XPR1: variants seen among roughly 807,000 people sequenced by gnomAD.
XPR1 encodes solute carrier family 53 member 1.
Under a neutral mutation model 87.5 loss-of-function variants are expected in XPR1, and 28 were observed. That is an observed-to-expected ratio of 0.32 (90% CI 0.24 to 0.44). The LOEUF is 0.44. XPR1 is among the 20% of genes least tolerant of loss of function. XPR1 has a pLI of 1.00. For missense variants in XPR1, 559 were observed against 862.3 expected, an observed-to-expected ratio of 0.65 and a Z score of 4.41; for synonymous variants, 300 against 306.1, an observed-to-expected ratio of 0.98 and a Z score of 0.21.
chr1:180,632,901 T>A (rs1654638479), intron 1 of XPR1, among the ~76,000 whole-genome samples: 1 of 152,276 alleles, frequency 6.6e-6, no homozygotes, highest in South Asian at 2.1e-4. Context: ...AATCAACTAT[T>A]CTGCTTTGAT....
At chr1:180,775,995 T>C (rs1330476793) in intron 2 of XPR1, among the ~76,000 whole-genome samples, 1 of 152,180 alleles carries the variant, frequency 6.6e-6, no homozygotes, top group African/African-American at 2.4e-5. Flanking sequence ...GCTTGTCTCT[T>C]ACGCAATCTA....
At chr1:180,819,328 T>A (rs567172331) in intron 7 of XPR1, among the ~76,000 whole-genome samples, 1 of 152,240 alleles carries the variant, frequency 6.6e-6, no homozygotes, top group Non-Finnish European at 1.5e-5. Flanking sequence ...AATATATCTT[T>A]AGCATTTATT....
At chr1:180,689,479 T>G (rs1656909417) in intron 2 of XPR1, among the ~76,000 whole-genome samples, 1 of 152,198 alleles carries the variant, frequency 6.6e-6, no homozygotes, top group Admixed American at 6.5e-5. Flanking sequence ...CTAATTTTTT[T>G]ATTACTCCAT....
intron 7 of XPR1, among the ~76,000 whole-genome samples, chr1:180,813,045 C>CCG (rs1553250904): frequency 6.9e-6 from 1 of 145,044 alleles, no homozygotes. Flanking sequence ...TTTTTTCCCC[C>CCG]CCCCCAATGG....
intron 2 of XPR1, among the ~76,000 whole-genome samples, chr1:180,767,448 TA>T (rs1485469932): frequency 6.6e-6 from 1 of 152,188 alleles, no homozygotes; most frequent in Non-Finnish European, 1.5e-5. Context: ...TAGGAATTTT[TA>T]AAATACATAA....
chr1:180,856,081 T>C (rs1485380603), intron 11 of XPR1, among the ~76,000 whole-genome samples: 1 of 152,206 alleles, frequency 6.6e-6, no homozygotes, highest in Non-Finnish European at 1.5e-5. Flanking sequence ...CCATCTGGTC[T>C]AGTCTTTTTT....
intron 7 of XPR1, among the ~76,000 whole-genome samples, chr1:180,820,228 C>T (rs12067061): frequency 0.043 from 6,535 of 152,092 alleles, 502 homozygotes; most frequent in African/African-American, 0.15. Context: ...ACAACCACCA[C>T]GTCTATCTAG....
At position 180,886,201 on chromosome 1, in the gene XPR1, CTATT is replaced by C. The variant is rs1214772497; in HGVS notation, c.*2136_*2139del. ...TATACTTGAGATTTTTTTCCCCTAA[CTATT>C]CTGTTTTTTGTACTTTAAAACTATG... On this transcript the variant is annotated 3_prime_UTR_variant, in exon 15 of 15. Coordinates refer to ENST00000367590, the MANE Select transcript of XPR1 (RefSeq NM_004736.4). The C allele has an allele frequency of 2.6e-5, 4 of 152,216 alleles. No homozygotes were observed. In the South Asian group the frequency reaches 6.2e-4, roughly 24 times the overall value. The allele number at this position is 152,216 out of a possible 1,614,324, so 9.4% of individuals were successfully genotyped here.
At chr1:180,833,484 T>G (rs761679580) in intron 9 of XPR1, among the ~76,000 whole-genome samples, 7 of 150,328 alleles carry the variant, frequency 4.7e-5, no homozygotes, top group Non-Finnish European at 7.4e-5. Context: ...TGGAAGAAGA[T>G]TTACCAAGCA....
intron 2 of XPR1, among the ~76,000 whole-genome samples, chr1:180,727,860 T>G (rs1658408433): frequency 6.6e-6 from 1 of 152,194 alleles, no homozygotes; most frequent in Non-Finnish European, 1.5e-5. Flanking sequence ...TTGTAAACTG[T>G]CATGGTGCTG....
chr1:180,842,108 G>GGT (rs1431342426), intron 11 of XPR1, among the ~76,000 whole-genome samples: 1 of 152,120 alleles, frequency 6.6e-6, no homozygotes, highest in Non-Finnish European at 1.5e-5. Context: ...TGATTAATTG[G>GGT]GTAGATACTT....
chr1:180,765,023 G>C (rs1193255669), intron 2 of XPR1, among the ~76,000 whole-genome samples: 1 of 152,058 alleles, frequency 6.6e-6, no homozygotes, highest in Non-Finnish European at 1.5e-5. Flanking sequence ...CTGACCTCGT[G>C]ATCCACCCGC....
At chr1:180,827,953 T>C (rs1650913584) in intron 9 of XPR1, among the ~76,000 whole-genome samples, 1 of 151,352 alleles carries the variant, frequency 6.6e-6, no homozygotes, top group Non-Finnish European at 1.5e-5. Flanking sequence ...CTCAGCTCAC[T>C]GCAACCTCCA....
At chr1:180,839,755 T>C (rs1651438296) in intron 11 of XPR1, among the ~76,000 whole-genome samples, 1 of 152,184 alleles carries the variant, frequency 6.6e-6, no homozygotes, top group South Asian at 2.1e-4. Context: ...CAAAGAATGA[T>C]AAATTGTGAA....
intron 2 of XPR1, among the ~76,000 whole-genome samples, chr1:180,753,335 C>T (rs1348621102): frequency 6.6e-6 from 1 of 152,082 alleles, no homozygotes; most frequent in Admixed American, 6.6e-5. Flanking sequence ...GAGGCCAGGG[C>T]TGGCGAATCG....
intron 11 of XPR1, among the ~76,000 whole-genome samples, chr1:180,840,345 C>G (rs189051913): frequency 6.6e-6 from 1 of 151,796 alleles, no homozygotes; most frequent in Admixed American, 6.6e-5. Flanking sequence ...TTATGCCCTG[C>G]TTTTAGACAA....
At chr1:180,657,536 C>T (rs1655578611) in intron 1 of XPR1, among the ~76,000 whole-genome samples, 1 of 152,098 alleles carries the variant, frequency 6.6e-6, no homozygotes, top group African/African-American at 2.4e-5. Context: ...GTACCACTTA[C>T]TGAAGAGATT....
At chr1:180,838,889 T>A (rs1651403623) in intron 11 of XPR1, among the ~76,000 whole-genome samples, 1 of 152,212 alleles carries the variant, frequency 6.6e-6, no homozygotes, top group African/African-American at 2.4e-5. Context: ...TGTTTTCTGT[T>A]CTGGGTTGTA....
chr1:180,848,682 A>G (rs779835724), intron 11 of XPR1, among the ~76,000 whole-genome samples: 6 of 152,134 alleles, frequency 3.9e-5, no homozygotes, highest in Non-Finnish European at 8.8e-5. Context: ...TGAAATGCCA[A>G]GTAGTGGAAT....
Sources: gnomAD v4.1 joint callset for allele counts (sites outside exome capture counted in the v4.1 genomes callset) on GRCh38, gnomAD v4.1.1 for gene constraint, MANE v1.5 for transcripts, NCBI Gene and HGNC (gene_info 2026-07-23, HGNC 2026-07-21) for gene names.